RASGRF2: variants seen among roughly 807,000 people sequenced by gnomAD.
RASGRF2 encodes the protein ras-specific guanine nucleotide-releasing factor 2.
Under a neutral mutation model 151.0 loss-of-function variants are expected in RASGRF2, and 76 were observed. The observed-to-expected ratio is 0.50, with a 90% CI of 0.42 to 0.61. The LOEUF is 0.61. Among genes scored for constraint, RASGRF2 ranks in the 20% least tolerant of loss-of-function variants. RASGRF2 has a pLI of 0.00. For missense variants in RASGRF2, 1,148 were observed against 1,564.6 expected (o/e 0.73, Z 4.49); for synonymous variants, 504 against 566.5 (o/e 0.89, Z 1.57).
intron 13 of RASGRF2, 50 bp from the exon 14 acceptor site, chr5:81,112,560 G>A (rs1257918252): frequency 1.1e-5 from 17 of 1,608,822 alleles, no homozygotes; most frequent in Admixed American, 5.0e-5. Context: ...AGTGGCCGAG[G>A]GGGAAGCCTC....
intron 18 of RASGRF2, among the ~76,000 whole-genome samples, chr5:81,192,516 G>A (rs1755173021): frequency 6.6e-6 from 1 of 152,240 alleles, no homozygotes; most frequent in South Asian, 2.1e-4. Context: ...CTGATTCAGA[G>A]TCCCTGTTGC....
chr5:81,113,931 G>T lies in RASGRF2; in HGVS notation c.2470+11G>T. On this transcript the variant is annotated intron_variant, in intron 15 of 26. Coordinates refer to ENST00000265080, the MANE Select transcript of RASGRF2 (RefSeq NM_006909.3). Reference sequence around the variant, plus strand: ...GAAGTATTCAAAAAGGTATTATCTAGCACATTTGCATAATTACACCCCACA... The same window carrying T: ...GAAGTATTCAAAAAGGTATTATCTATCACATTTGCATAATTACACCCCACA... 1 of 1,603,988 alleles carries T rather than the reference G, an allele frequency of 6.2e-7. No homozygotes were observed. Among genetic ancestry groups the T allele is most frequent in the Non-Finnish European group, 8.5e-7 (1 of 1,173,656 alleles).
chr5:81,216,371 A>G (rs1056932742), intron 24 of RASGRF2, among the ~76,000 whole-genome samples: 3 of 126,674 alleles, frequency 2.4e-5, no homozygotes, highest in African/African-American at 3.2e-5. Context: ...ACACACACGC[A>G]CACACACACA....
rs70994426 is a variant in RASGRF2, at chr5:81,168,309, C to CTTTT, written c.2687-11850_2687-11847dup. 6.5e-3 allele frequency among the ~76,000 whole-genome samples: 756 copies of CTTTT among 115,962 alleles called. 20 individuals are homozygous for CTTTT. The highest frequency in any genetic ancestry group is 0.023 in the African/African-American group (687 of 29,874). 76.1% of individuals were successfully genotyped at this position (115,962 alleles called of 152,430 possible). A position where few individuals can be genotyped will look rare whatever the true frequency, so the allele number is the denominator to read the frequency against. On this transcript the variant is annotated intron_variant, in intron 17 of 26. Coordinates refer to ENST00000265080, the MANE Select transcript of RASGRF2 (RefSeq NM_006909.3). ...ATGCCAGCGTCTTTTTTTTTCTTCT[C>CTTTT]TTTTTTTTTTTTTTTTTTTAAGACA... is the stretch of plus-strand genomic sequence containing the variant.
At chr5:81,037,082 C>A (rs1299261930) in intron 1 of RASGRF2, among the ~76,000 whole-genome samples, 3 of 152,056 alleles carry the variant, frequency 2.0e-5, no homozygotes, top group Non-Finnish European at 2.9e-5. Context: ...AAGGCAACTC[C>A]CATTTACAAA....
At chr5:80,975,203 G>A (rs1344857501) in intron 1 of RASGRF2, among the ~76,000 whole-genome samples, 4 of 151,898 alleles carry the variant, frequency 2.6e-5, no homozygotes, top group African/African-American at 7.3e-5. Context: ...CCTCTTTATC[G>A]AAAAGCTTCC....
intron 20 of RASGRF2, 32 bp downstream of exon 20, chr5:81,206,937 C>T: frequency 6.6e-7 from 1 of 1,513,982 alleles, no homozygotes; most frequent in Non-Finnish European, 9.2e-7. Flanking sequence ...TCTAGCACAA[C>T]TATGTGCAAA....
At chr5:81,145,818 T>G (rs193786) in intron 17 of RASGRF2, among the ~76,000 whole-genome samples, 1 of 152,052 alleles carries the variant, frequency 6.6e-6, no homozygotes, top group Non-Finnish European at 1.5e-5. Context: ...AATTCTTGTC[T>G]TAAACAAACT....
chr5:80,995,052 C>T (rs980561684), intron 1 of RASGRF2, among the ~76,000 whole-genome samples: 2 of 151,534 alleles, frequency 1.3e-5, no homozygotes, highest in Non-Finnish European at 2.9e-5. Flanking sequence ...GTCAGGAGAT[C>T]GAGACCATCC....
chr5:81,206,279 G>A lies in RASGRF2; in HGVS notation c.2907-566G>A, dbSNP rs901888173. Among the ~76,000 whole-genome samples, 4 of 152,216 alleles carry A rather than the reference G, an allele frequency of 2.6e-5. No individual in the cohort carries two copies. The East Asian group carries it at 7.7e-4, about 29-fold the overall frequency. ...ATGAGATTCAGGGCCAAAAGTGTCT[G>A]AGGAAAGTCCATCTGGAATGCAAGG... On this transcript the variant is annotated intron_variant, in intron 19 of 26. Transcript: ENST00000265080.
intron 17 of RASGRF2, among the ~76,000 whole-genome samples, chr5:81,168,310 T>TC (rs1249214234): frequency 3.1e-3 from 12 of 3,872 alleles, no homozygotes; most frequent in Middle Eastern, 0.17. Context: ...TTTTCTTCTC[T>TC]TTTTTTTTTT....
intron 17 of RASGRF2, among the ~76,000 whole-genome samples, chr5:81,137,779 A>T (rs1300014031): frequency 6.6e-6 from 1 of 152,238 alleles, no homozygotes; most frequent in Non-Finnish European, 1.5e-5. Context: ...GCTATGAGAA[A>T]ATACATTTAT....
intron 17 of RASGRF2, among the ~76,000 whole-genome samples, chr5:81,172,750 T>C (rs6869066): frequency 0.015 from 2,226 of 152,270 alleles, 52 homozygotes; most frequent in African/African-American, 0.05. Context: ...AGGCCTATGA[T>C]GCAGTTTATG....
At chr5:81,041,734 C>T (rs1045934495) in intron 1 of RASGRF2, among the ~76,000 whole-genome samples, 2 of 152,100 alleles carry the variant, frequency 1.3e-5, no homozygotes, top group Non-Finnish European at 2.9e-5. Context: ...ATAAAATTGT[C>T]CCTTTTTTGG....
chr5:81,095,756 T>C (rs1430878872), intron 12 of RASGRF2, among the ~76,000 whole-genome samples: 1 of 152,182 alleles, frequency 6.6e-6, no homozygotes, highest in Non-Finnish European at 1.5e-5. Context: ...ATGCTTTTTT[T>C]TGGAAGAGCT....
At chr5:81,045,976 CAT>C (rs1205505410) in intron 2 of RASGRF2, among the ~76,000 whole-genome samples, 1 of 152,200 alleles carries the variant, frequency 6.6e-6, no homozygotes, top group African/African-American at 2.4e-5. Flanking sequence ...GTTGACTTAA[CAT>C]TTCACCCTCG....
chr5:81,049,855 C>T (rs1750956414), intron 2 of RASGRF2, among the ~76,000 whole-genome samples: 1 of 152,174 alleles, frequency 6.6e-6, no homozygotes, highest in East Asian at 1.9e-4. Flanking sequence ...GATATATAGC[C>T]TCCATTATAT....
chr5:81,070,656 C>A, intron 4 of RASGRF2, 75 bp downstream of exon 4: 1 of 1,320,038 alleles, frequency 7.6e-7, no homozygotes, highest in Non-Finnish European at 1.1e-6. Context: ...TCTTTGCCAC[C>A]CTGTGCGTGA....
intron 14 of RASGRF2, chr5:81,113,282 A>G (rs1362803231): frequency 7.2e-6 from 4 of 553,464 alleles, no homozygotes; most frequent in Admixed American, 6.8e-5. Context: ...CTGAACGTCT[A>G]ACAAGCTCCC....
Sources: gnomAD v4.1 joint callset for allele counts (sites outside exome capture counted in the v4.1 genomes callset) on GRCh38, gnomAD v4.1.1 for gene constraint, MANE v1.5 for transcripts, NCBI Gene and HGNC (gene_info 2026-07-23, HGNC 2026-07-21) for gene names.